The following CSMD1 variants were observed in gnomAD, a reference collection of about 807,000 sequenced individuals.
The protein encoded by CSMD1 is CUB and sushi domain-containing protein 1.
Under a neutral mutation model 417.5 loss-of-function variants are expected in CSMD1, and 213 were observed. The ratio of observed to expected loss-of-function variants is 0.51; its 90% CI spans 0.46 to 0.57. CSMD1 has a LOEUF of 0.57. CSMD1 is among the 20% of genes least tolerant of loss of function. CSMD1 has a pLI of 0.00. For missense variants in CSMD1, 6,923 were observed against 4,529.7 expected (o/e 1.53, Z -15.17); for synonymous variants, 2,862 against 1,736.8 (o/e 1.65, Z -16.11).
At chr8:3,462,945 A>C (rs1008683967) in intron 12 of CSMD1, among the ~76,000 whole-genome samples, 3 of 152,300 alleles carry the variant, frequency 2.0e-5, no homozygotes, top group Admixed American at 2.0e-4. Context: ...GAACAGGATT[A>C]GTGCCCTTGT....
chr8:3,928,773 A>T (rs1254952940), intron 5 of CSMD1, among the ~76,000 whole-genome samples: 1 of 64,354 alleles, frequency 1.6e-5, no homozygotes, highest in Non-Finnish European at 3.4e-5. Flanking sequence ...TCCAGATCCC[A>T]CCCACCCCGC....
intron 1 of CSMD1, among the ~76,000 whole-genome samples, chr8:4,781,011 G>T (rs1440293541): frequency 1.3e-5 from 2 of 152,102 alleles, no homozygotes; most frequent in African/African-American, 2.4e-5. Flanking sequence ...CTTAAATAGG[G>T]TAATTACCAC....
chr8:4,555,230 G>A (rs1400463680), intron 2 of CSMD1, among the ~76,000 whole-genome samples: 1 of 152,176 alleles, frequency 6.6e-6, no homozygotes, highest in East Asian at 1.9e-4. Flanking sequence ...CAGCTTACGG[G>A]TTATTGCAGA....
chr8:4,859,864 G>C (rs1233687161), intron 1 of CSMD1, among the ~76,000 whole-genome samples: 3 of 152,100 alleles, frequency 2.0e-5, no homozygotes, highest in African/African-American at 7.2e-5. Flanking sequence ...ATTCCTCAGG[G>C]ATGTAGAACT....
chr8:4,087,957 G>T (rs557235811), intron 3 of CSMD1, among the ~76,000 whole-genome samples: 1 of 152,018 alleles, frequency 6.6e-6, no homozygotes, highest in Non-Finnish European at 1.5e-5. Flanking sequence ...TAAGAACGGT[G>T]GTATCCAAGA....
At chr8:4,052,281 G>C (rs553602902) in intron 3 of CSMD1, among the ~76,000 whole-genome samples, 1 of 152,124 alleles carries the variant, frequency 6.6e-6, no homozygotes, top group Non-Finnish European at 1.5e-5. Context: ...CCTGCCATTT[G>C]GCAAAAGATT....
At chr8:3,019,787 T>C (rs1043444881) in intron 51 of CSMD1, among the ~76,000 whole-genome samples, 3 of 152,240 alleles carry the variant, frequency 2.0e-5, no homozygotes, top group Admixed American at 6.5e-5. Flanking sequence ...CTGAAATCTC[T>C]GCTCTTCAGA....
At chr8:3,550,684 A>T (rs1423999871) in intron 10 of CSMD1, among the ~76,000 whole-genome samples, 2 of 152,150 alleles carry the variant, frequency 1.3e-5, no homozygotes, top group Non-Finnish European at 2.9e-5. Flanking sequence ...TGACACCTGA[A>T]ATCTTGCTAT....
chr8:3,037,115 G>C (rs1056248952), intron 50 of CSMD1, among the ~76,000 whole-genome samples: 1 of 152,082 alleles, frequency 6.6e-6, no homozygotes, highest in Non-Finnish European at 1.5e-5. Context: ...TAGAATAATG[G>C]CCTCCAGCTC....
chr8:3,926,978 T>C (rs990462250), intron 5 of CSMD1, among the ~76,000 whole-genome samples: 6 of 151,922 alleles, frequency 3.9e-5, no homozygotes, highest in African/African-American at 1.4e-4. Context: ...CCTCCCAAAG[T>C]GCTAGGATTA....
chr8:4,252,193 A>G (rs899040273), intron 3 of CSMD1, among the ~76,000 whole-genome samples: 1 of 152,140 alleles, frequency 6.6e-6, no homozygotes, highest in Admixed American at 6.6e-5. Context: ...ATGGATAAAA[A>G]AGCTTAAAAC....
chr8:3,701,832 A>G (rs539712610), intron 7 of CSMD1, among the ~76,000 whole-genome samples: 1 of 152,164 alleles, frequency 6.6e-6, no homozygotes, highest in South Asian at 2.1e-4. Context: ...CTTCCAAATT[A>G]TGCCTGAGCC....
chr8:4,077,615 A>C (rs1321705353), intron 3 of CSMD1, among the ~76,000 whole-genome samples: 1 of 152,076 alleles, frequency 6.6e-6, no homozygotes, highest in Non-Finnish European at 1.5e-5. Flanking sequence ...ACTGCTGGTC[A>C]TTCAAGGTCA....
At chr8:4,564,647 C>G (rs998571606) in intron 2 of CSMD1, among the ~76,000 whole-genome samples, 1 of 152,184 alleles carries the variant, frequency 6.6e-6, no homozygotes, top group Non-Finnish European at 1.5e-5. Flanking sequence ...TGACACTTCA[C>G]TGAGGAAGCA....
chr8:2,958,630 G>C (rs950099893), intron 62 of CSMD1, among the ~76,000 whole-genome samples: 3 of 152,210 alleles, frequency 2.0e-5, no homozygotes, highest in Non-Finnish European at 4.4e-5. Context: ...CATGAGGCCA[G>C]CATGACTCAT....
At chr8:4,349,261 G>C (rs1368282129) in intron 3 of CSMD1, among the ~76,000 whole-genome samples, 1 of 152,182 alleles carries the variant, frequency 6.6e-6, no homozygotes, top group Admixed American at 6.5e-5. Context: ...GTACAGACCA[G>C]TGGTTTTCAA....
chr8:4,078,896 AATATATAT>A (rs1173719388), intron 3 of CSMD1, among the ~76,000 whole-genome samples: 199 of 43,460 alleles, frequency 4.6e-3, no homozygotes, highest in South Asian at 0.027. Flanking sequence ...AATAATAATA[AATATATAT>A]ATATATATAT....
rs113738822 is a variant in CSMD1 at position 4,906,496 on chromosome 8, A to G, written c.85+87836T>C. 2.0e-3 allele frequency among the ~76,000 whole-genome samples: 129 copies of G among 65,690 alleles called. 1 individual carries two copies. Among genetic ancestry groups the G allele is most frequent in the Non-Finnish European group, 3.1e-3 (93 of 29,998 alleles). The allele number at this position is 65,690 out of a possible 152,430, so 43.1% of individuals were successfully genotyped here. ...GGAATACATCCTCTTACATGATTTC[A>G]CACACTTTGTTTTTCAGTTTTTATT... On this transcript the variant is annotated intron_variant, in intron 1 of 69. Transcript: ENST00000635120.
intron 36 of CSMD1, among the ~76,000 whole-genome samples, chr8:3,183,442 G>C (rs1373772752): frequency 7.7e-6 from 1 of 130,176 alleles, no homozygotes; most frequent in Non-Finnish European, 1.6e-5. Flanking sequence ...GGTCTCTAAC[G>C]CCTAATCTAT....
Sources: gnomAD v4.1 joint callset for allele counts (sites outside exome capture counted in the v4.1 genomes callset) on GRCh38, gnomAD v4.1.1 for gene constraint, MANE v1.5 for transcripts, NCBI Gene and HGNC (gene_info 2026-07-23, HGNC 2026-07-21) for gene names.